Variants in KATNBL1 observed in about 807,000 individuals in gnomAD.
KATNBL1 encodes the protein katanin regulatory subunit B1 like 1, also known as KATNB1-like protein 1.
Under a neutral mutation model 44.7 loss-of-function variants are expected in KATNBL1, and 28 were observed. The observed-to-expected ratio is 0.63, with a 90% confidence interval of 0.46 to 0.86. The LOEUF is 0.86. Ranked by LOEUF, KATNBL1 falls within the 40% of genes least tolerant of loss-of-function variation. The probability of loss-of-function intolerance (pLI) is 0.00; values close to 1 mark genes in which losing one functional copy is unlikely to be tolerated. For missense variants in KATNBL1, 272 were observed against 350.7 expected (o/e 0.78, Z 1.79); for synonymous variants, 78 against 114.9 (o/e 0.68, Z 2.06).
chr15:34,181,537 T>C (rs2140966743), intron 1 of KATNBL1, among the ~76,000 whole-genome samples: 1 of 148,348 alleles, frequency 6.7e-6, no homozygotes, highest in South Asian at 2.1e-4. Flanking sequence ...ACACAAAACA[T>C]TCCAGCATAT....
intron 1 of KATNBL1, chr15:34,199,924 CCTT>C (rs1890134881): frequency 6.6e-6 from 1 of 152,208 alleles, no homozygotes; most frequent in Non-Finnish European, 1.5e-5. Flanking sequence ...GCTTTTATTC[CCTT>C]ATTTGACCCC....
chr15:34,201,978 T>A (rs973501086), intron 1 of KATNBL1, among the ~76,000 whole-genome samples: 2 of 152,222 alleles, frequency 1.3e-5, no homozygotes, highest in Non-Finnish European at 2.9e-5. Flanking sequence ...ATTTAAGGTG[T>A]ATGGGAGGAT....
At chr15:34,181,596 ATATATATGT>A (rs1889532592) in intron 1 of KATNBL1, among the ~76,000 whole-genome samples, 1 of 44,774 alleles carries the variant, frequency 2.2e-5, no homozygotes, top group Non-Finnish European at 6.4e-5. Flanking sequence ...ATATATACAC[ATATATATGT>A]CCATATATAT....
At chr15:34,181,784 C>A (rs1889559008) in intron 1 of KATNBL1, among the ~76,000 whole-genome samples, 1 of 121,146 alleles carries the variant, frequency 8.3e-6, no homozygotes, top group East Asian at 2.3e-4. Context: ...ATATATATGT[C>A]CATATATATA....
At chr15:34,193,213 T>G (rs1296828815) in intron 1 of KATNBL1, among the ~76,000 whole-genome samples, 9 of 22,548 alleles carry the variant, frequency 4.0e-4, no homozygotes, top group Non-Finnish European at 4.0e-4. Flanking sequence ...CGAGACTCCG[T>G]CTCAAAAAAA....
At chr15:34,165,257 A>G (rs902492713) in intron 1 of KATNBL1, among the ~76,000 whole-genome samples, 1 of 152,210 alleles carries the variant, frequency 6.6e-6, no homozygotes, top group Non-Finnish European at 1.5e-5. Flanking sequence ...GGCGACTTAA[A>G]TGAGGCTAGA....
intron 1 of KATNBL1, among the ~76,000 whole-genome samples, chr15:34,169,282 C>G (rs574193634): frequency 9.9e-5 from 15 of 152,276 alleles, no homozygotes; most frequent in African/African-American, 3.1e-4. Flanking sequence ...CCCAGAAATA[C>G]AAACTGCCAT....
chr15:34,199,452 T>A (rs182452613), intron 1 of KATNBL1: 2 of 152,062 alleles, frequency 1.3e-5, no homozygotes, highest in East Asian at 1.9e-4. Flanking sequence ...AATGACAGAC[T>A]ATAGATTTAC....
intron 1 of KATNBL1, among the ~76,000 whole-genome samples, chr15:34,185,670 G>C (rs1889696505): frequency 6.6e-6 from 1 of 152,188 alleles, no homozygotes; most frequent in South Asian, 2.1e-4. Context: ...AGACAATGCA[G>C]GGAAGAAGGC....
chr15:34,208,089 T>G, intron 1 of KATNBL1, among the ~76,000 whole-genome samples: 1 of 152,216 alleles, frequency 6.6e-6, no homozygotes, highest in South Asian at 2.1e-4. Flanking sequence ...ATTTTTTATT[T>G]TATTTTTATT....
At chr15:34,207,758 G>A (rs1890332666) in intron 1 of KATNBL1, among the ~76,000 whole-genome samples, 3 of 152,130 alleles carry the variant, frequency 2.0e-5, no homozygotes, top group Admixed American at 1.3e-4. Context: ...ATGCCACCAT[G>A]CCTGGCAAAA....
chr15:34,199,747 G>T (rs546670180), intron 1 of KATNBL1: 1 of 152,266 alleles, frequency 6.6e-6, no homozygotes, highest in Admixed American at 6.5e-5. Flanking sequence ...GAATGAAGCC[G>T]GAGGACCTTC....
At position 34,194,547 on chromosome 15, in the gene KATNBL1, T is replaced by C. The variant is rs1379666573; in HGVS notation, c.-15+15404A>G. Reference sequence around the variant, plus strand: ...CTGAGGTGGGAGGACAGCTTGAGCCTGGGAGGTGGAGGCTGCAGTTAAGCT... The same window carrying C: ...CTGAGGTGGGAGGACAGCTTGAGCCCGGGAGGTGGAGGCTGCAGTTAAGCT... On this transcript the variant is annotated intron_variant, in intron 1 of 9. Transcript: ENST00000256544. 2.6e-5 allele frequency among the ~76,000 whole-genome samples: 4 copies of C among 152,094 alleles called. No homozygotes were observed. In the East Asian group the frequency reaches 5.8e-4, roughly 22 times the overall value.
rs182574707 is a variant in KATNBL1, at chr15:34,164,036, G to A, written c.-14-346C>T. 4.0e-3 allele frequency among the ~76,000 whole-genome samples: 603 copies of A among 152,242 alleles called. 7 individuals are homozygous for A. The highest frequency in any genetic ancestry group is 0.014 in the African/African-American group (584 of 41,558). ...GTCTCCCAAGTAGCTGGGATTATAG[G>A]CTTGTGCCACCATGCCCGACTAATT... On this transcript the variant is annotated intron_variant, in intron 1 of 9. Transcript: ENST00000256544.
chr15:34,167,021 A>T (rs1888998978), intron 1 of KATNBL1, among the ~76,000 whole-genome samples: 1 of 152,216 alleles, frequency 6.6e-6, no homozygotes. Context: ...AAATTCAAAA[A>T]ATCAGAACAC....
At chr15:34,166,308 C>G (rs957139844) in intron 1 of KATNBL1, among the ~76,000 whole-genome samples, 1 of 152,246 alleles carries the variant, frequency 6.6e-6, no homozygotes, top group Non-Finnish European at 1.5e-5. Context: ...TCGGCAGGTC[C>G]CACGCCCACG....
chr15:34,188,773 T>A (rs1195721786), intron 1 of KATNBL1, among the ~76,000 whole-genome samples: 1 of 152,208 alleles, frequency 6.6e-6, no homozygotes, highest in Non-Finnish European at 1.5e-5. Context: ...CATGGCACAA[T>A]TTCCAAAGTT....
chr15:34,194,014 TCAC>T (rs1196205262), intron 1 of KATNBL1, among the ~76,000 whole-genome samples: 4 of 152,126 alleles, frequency 2.6e-5, no homozygotes, highest in Non-Finnish European at 5.9e-5. Flanking sequence ...CGATCTCGGC[TCAC>T]CACAACGTCC....
At chr15:34,178,122 C>T (rs550007805) in intron 1 of KATNBL1, 7 of 152,176 alleles carry the variant, frequency 4.6e-5, no homozygotes, top group East Asian at 1.9e-4. Context: ...GATCACAGGA[C>T]GTAGAATACA....
Sources: gnomAD v4.1 joint callset for allele counts (sites outside exome capture counted in the v4.1 genomes callset) on GRCh38, gnomAD v4.1.1 for gene constraint, MANE v1.5 for transcripts, NCBI Gene and HGNC (gene_info 2026-07-23, HGNC 2026-07-21) for gene names.